Variants in TMEM132D observed in about 807,000 individuals in gnomAD.
The protein encoded by TMEM132D is mature OL transmembrane protein.
TMEM132D carries 21 observed loss-of-function variants against 62.3 expected under a neutral mutation model. That is an observed-to-expected ratio of 0.34 (90% confidence interval 0.24 to 0.49). The LOEUF (loss-of-function observed/expected upper bound fraction) is 0.49. Ranked by LOEUF, TMEM132D falls within the 20% of genes least tolerant of loss-of-function variation. The pLI is 0.99. For missense variants in TMEM132D, 1,346 were observed against 1,402.8 expected (o/e 0.96, Z 0.65); for synonymous variants, 621 against 575.6 (o/e 1.08, Z -1.13).
intron 1 of TMEM132D, among the ~76,000 whole-genome samples, chr12:129,771,683 C>G (rs1288987986): frequency 2.0e-5 from 3 of 152,202 alleles, no homozygotes; most frequent in Non-Finnish European, 4.4e-5. Context: ...ATCCAATGCA[C>G]TTGGCATCTG....
intron 1 of TMEM132D, among the ~76,000 whole-genome samples, chr12:129,755,520 C>T (rs1870139804): frequency 6.6e-6 from 1 of 152,108 alleles, no homozygotes; most frequent in African/African-American, 2.4e-5. Context: ...GACCCGATCG[C>T]TCATCAGGGT....
chr12:129,632,037 A>T (rs944834523), intron 2 of TMEM132D, among the ~76,000 whole-genome samples: 7 of 152,248 alleles, frequency 4.6e-5, no homozygotes, highest in Admixed American at 3.3e-4. Context: ...ATTATTTACA[A>T]CAGGAGCATT....
chr12:129,746,941 A>G (rs1869801818), intron 1 of TMEM132D, among the ~76,000 whole-genome samples: 1 of 151,718 alleles, frequency 6.6e-6, no homozygotes. Context: ...CACATTCACC[A>G]CGTCTGCCCA....
intron 3 of TMEM132D, among the ~76,000 whole-genome samples, chr12:129,343,634 G>A (rs964599241): frequency 2.0e-5 from 3 of 151,996 alleles, no homozygotes; most frequent in Non-Finnish European, 2.9e-5. Flanking sequence ...TAATGTTGCC[G>A]GGCGTGGTGG....
At chr12:129,528,797 G>A (rs1876131391) in intron 3 of TMEM132D, among the ~76,000 whole-genome samples, 1 of 152,202 alleles carries the variant, frequency 6.6e-6, no homozygotes, top group African/African-American at 2.4e-5. Context: ...AGACACTGCT[G>A]TATGAGCTGG....
At chr12:129,814,059 C>A (rs1440757674) in intron 1 of TMEM132D, among the ~76,000 whole-genome samples, 5 of 152,086 alleles carry the variant, frequency 3.3e-5, no homozygotes, top group African/African-American at 1.2e-4. Flanking sequence ...TTTGCAGCAA[C>A]ATGGACGGAA....
chr12:129,516,286 G>C (rs1219769925), intron 3 of TMEM132D, among the ~76,000 whole-genome samples: 2 of 152,182 alleles, frequency 1.3e-5, no homozygotes, highest in Non-Finnish European at 2.9e-5. Context: ...TCTGACTGAG[G>C]GATCCAGCTC....
intron 3 of TMEM132D, among the ~76,000 whole-genome samples, chr12:129,499,697 A>G (rs912713691): frequency 6.6e-6 from 1 of 152,210 alleles, no homozygotes; most frequent in African/African-American, 2.4e-5. Flanking sequence ...GACAGTGGAA[A>G]CATGGCTTGG....
chr12:129,081,071 C>A (rs1266402122), intron 7 of TMEM132D, among the ~76,000 whole-genome samples: 1 of 152,182 alleles, frequency 6.6e-6, no homozygotes, highest in Non-Finnish European at 1.5e-5. Flanking sequence ...TTTAGGTGAC[C>A]ATGCTCAGTG....
At chr12:129,581,155 A>C (rs1382580412) in intron 2 of TMEM132D, among the ~76,000 whole-genome samples, 1 of 152,074 alleles carries the variant, frequency 6.6e-6, no homozygotes, top group Non-Finnish European at 1.5e-5. Context: ...TTTCTTAGCA[A>C]CTTTTTCTCT....
rs1217179335 is a variant in TMEM132D at position 129,073,859 on chromosome 12, T to G, written c.*16A>C. 3 of 1,518,274 alleles carry G rather than the reference T, an allele frequency of 2.0e-6. No individual in the cohort carries two copies. Among genetic ancestry groups the G allele is most frequent in the Non-Finnish European group, 2.6e-6 (3 of 1,133,706 alleles). 94.1% of individuals were successfully genotyped at this position (1,518,274 alleles called of 1,614,324 possible). On this transcript the variant is annotated 3_prime_UTR_variant, in exon 9 of 9. Coordinates refer to ENST00000422113, the MANE Select transcript of TMEM132D (RefSeq NM_133448.3). ...GCTGAAAGGTGAGTGAGAACCAATG[T>G]CTGTGTGTGTCTGGCTTACACATTT...
intron 2 of TMEM132D, among the ~76,000 whole-genome samples, chr12:129,685,353 G>A (rs1880882298): frequency 6.6e-6 from 1 of 152,184 alleles, no homozygotes; most frequent in Admixed American, 6.5e-5. Context: ...AGCCACTCTA[G>A]CCAGGGCTAA....
intron 3 of TMEM132D, among the ~76,000 whole-genome samples, chr12:129,339,401 C>T: frequency 9.8e-5 from 1 of 10,172 alleles, no homozygotes; most frequent in South Asian, 5.1e-3. Flanking sequence ...CAAATCTCTT[C>T]CATGGAACGG....
intron 5 of TMEM132D, among the ~76,000 whole-genome samples, chr12:129,168,840 G>A (rs745941063): frequency 1.2e-4 from 18 of 152,038 alleles, no homozygotes; most frequent in Non-Finnish European, 2.6e-4. Context: ...GTTGAGAACC[G>A]CTGACCTAAC....
At chr12:129,509,384 A>C (rs1320002720) in intron 3 of TMEM132D, among the ~76,000 whole-genome samples, 2 of 152,188 alleles carry the variant, frequency 1.3e-5, no homozygotes, top group African/African-American at 4.8e-5. Flanking sequence ...TATGGGGTAC[A>C]TGAGATATTT....
At chr12:129,652,098 A>G (rs1239646402) in intron 2 of TMEM132D, among the ~76,000 whole-genome samples, 1 of 152,176 alleles carries the variant, frequency 6.6e-6, no homozygotes, top group African/African-American at 2.4e-5. Flanking sequence ...ATAATCTCCA[A>G]TAGCACTTTA....
intron 3 of TMEM132D, among the ~76,000 whole-genome samples, chr12:129,526,618 T>G (rs1294234179): frequency 6.6e-6 from 1 of 152,180 alleles, no homozygotes; most frequent in Non-Finnish European, 1.5e-5. Flanking sequence ...GATTTTGAAC[T>G]GGGCACACTG....
intron 4 of TMEM132D, among the ~76,000 whole-genome samples, chr12:129,284,608 G>T (rs1881240893): frequency 6.6e-6 from 1 of 152,224 alleles, no homozygotes; most frequent in African/African-American, 2.4e-5. Flanking sequence ...ACAAACACAT[G>T]TAAACATATG....
intron 2 of TMEM132D, among the ~76,000 whole-genome samples, chr12:129,583,701 T>C (rs1300671813): frequency 6.6e-6 from 1 of 152,170 alleles, no homozygotes; most frequent in Non-Finnish European, 1.5e-5. Context: ...GAGCTTGCCT[T>C]AGACAGAGGA....
Sources: allele counts gnomAD v4.1 joint callset (sites outside exome capture counted in the v4.1 genomes callset), GRCh38; gene constraint gnomAD v4.1.1; transcripts MANE v1.5; gene names NCBI Gene and HGNC (gene_info 2026-07-23, HGNC 2026-07-21).